PRMT8: variants seen among roughly 807,000 people sequenced by gnomAD.
PRMT8 encodes protein arginine N-methyltransferase 8.
A neutral mutation model predicts 47.1 loss-of-function variants in PRMT8; 7 were observed. That is an observed-to-expected ratio of 0.15 (90% CI 0.08 to 0.28). The LOEUF (loss-of-function observed/expected upper bound fraction) is 0.28, where lower values mean the gene tolerates loss of function less well. Among genes scored for constraint, PRMT8 ranks in the 10% least tolerant of loss-of-function variants. The pLI, the probability that PRMT8 is intolerant of heterozygous loss-of-function variation, is 1.00. For missense variants in PRMT8, 237 were observed against 505.4 expected, an observed-to-expected ratio of 0.47 and a Z score of 5.09; for synonymous variants, 188 against 186.5, an observed-to-expected ratio of 1.01 and a Z score of -0.07.
chr12:3,431,193 C>T (rs528607259), intron 1 of PRMT8, among the ~76,000 whole-genome samples: 44 of 152,224 alleles, frequency 2.9e-4, no homozygotes, highest in African/African-American at 1.1e-3. Flanking sequence ...TTTTGCATTT[C>T]AGAGAATGGG....
intron 1 of PRMT8, among the ~76,000 whole-genome samples, chr12:3,454,480 T>C (rs1004821038): frequency 2.0e-5 from 3 of 151,930 alleles, no homozygotes; most frequent in African/African-American, 7.3e-5. Context: ...GGGGGGTGTC[T>C]AGGAAGGAAG....
intron 3 of PRMT8, chr12:3,551,467 C>T (rs916647932): frequency 6.6e-6 from 1 of 152,328 alleles, no homozygotes; most frequent in African/African-American, 2.4e-5. Context: ...TGGTGACCCC[C>T]ACGTGCTTTC....
chr12:3,541,419 G>A (rs1866228682), intron 2 of PRMT8, among the ~76,000 whole-genome samples: 1 of 152,174 alleles, frequency 6.6e-6, no homozygotes, highest in South Asian at 2.1e-4. Flanking sequence ...TGCCCCTACT[G>A]TATATCTTTC....
chr12:3,546,790 CAGAGAACACTT>C (rs1333240073), intron 2 of PRMT8, among the ~76,000 whole-genome samples: 11 of 152,074 alleles, frequency 7.2e-5, no homozygotes, highest in Admixed American at 6.5e-4. Flanking sequence ...AATATATGAG[CAGAGAACACTT>C]CCTAACTTAT....
Position 3,538,887 on chromosome 12 carries a change from A to G in PRMT8, c.76-1719A>G, listed in dbSNP as rs1866169917. Reference sequence around the variant, plus strand: ...CCGACGTGAAATCTGATGTTGCTAAACTGGGAAGTCTGCTTATTTCCCAAG... The same window carrying G: ...CCGACGTGAAATCTGATGTTGCTAAGCTGGGAAGTCTGCTTATTTCCCAAG... On this transcript the variant is annotated intron_variant, in intron 1 of 9. Transcript: ENST00000382622. This position sits in a 1 kb window ranked among gnomAD's most constrained non-coding sequence, Gnocchi z 4.6. Among the ~76,000 whole-genome samples, 1 of 152,150 alleles carries G rather than the reference A, an allele frequency of 6.6e-6. No homozygotes were observed. The highest frequency in any genetic ancestry group is 2.4e-5 in the African/African-American group (1 of 41,416).
chr12:3,558,240 C>T (rs1248165099), intron 4 of PRMT8, among the ~76,000 whole-genome samples: 1 of 152,198 alleles, frequency 6.6e-6, no homozygotes, highest in East Asian at 1.9e-4. Context: ...CCTTCCTCCC[C>T]TTCCTCCCCT....
At chr12:3,420,654 G>C (rs1012147503) in intron 1 of PRMT8, among the ~76,000 whole-genome samples, 9 of 152,190 alleles carry the variant, frequency 5.9e-5, no homozygotes, top group African/African-American at 1.9e-4. Flanking sequence ...AATGACGGTG[G>C]AGGCGGTCAC....
At chr12:3,386,794 C>T (rs1191181310) in intron 1 of PRMT8, among the ~76,000 whole-genome samples, 6 of 151,724 alleles carry the variant, frequency 4.0e-5, no homozygotes, top group South Asian at 2.1e-4. Flanking sequence ...ACTGCAACTT[C>T]TGTCTCCCGG....
chr12:3,445,729 A>T (rs1215192762), intron 1 of PRMT8, among the ~76,000 whole-genome samples: 1 of 152,194 alleles, frequency 6.6e-6, no homozygotes, highest in Non-Finnish European at 1.5e-5. Flanking sequence ...GACGCTGGAG[A>T]TTCTGAAAAG....
intron 2 of PRMT8, among the ~76,000 whole-genome samples, chr12:3,545,572 A>T (rs1361268134): frequency 1.3e-5 from 2 of 152,194 alleles, no homozygotes; most frequent in African/African-American, 4.8e-5. Flanking sequence ...CACCTTCTGT[A>T]TCTCACCTGA....
rs1866727779 is a variant in PRMT8 at position 3,566,809 on chromosome 12, A to G, written c.482-1897A>G. On this transcript the variant is annotated intron_variant, in intron 4 of 9. Coordinates refer to ENST00000382622, the MANE Select transcript of PRMT8 (RefSeq NM_019854.5). The surrounding 1 kb of genome is among the most constrained non-coding windows in gnomAD (Gnocchi z 4.7). ...CTCAGGCATTGTGTGAGTTTTTTTC[A>G]GAGGATATTGCAGAATGAGAGTTTC... Among the ~76,000 whole-genome samples, 1 of 152,174 alleles carries G rather than the reference A, an allele frequency of 6.6e-6. No homozygotes were observed. The highest frequency in any genetic ancestry group is 1.5e-5 in the Non-Finnish European group (1 of 68,026).
At chr12:3,452,675 C>T (rs980939822) in intron 1 of PRMT8, among the ~76,000 whole-genome samples, 12 of 152,158 alleles carry the variant, frequency 7.9e-5, no homozygotes, top group African/African-American at 2.7e-4. Context: ...ATCCTAGGAA[C>T]AGGGTCTGCT....
chr12:3,520,712 A>G lies in PRMT8; in HGVS notation c.76-19894A>G, dbSNP rs533165357. Among the ~76,000 whole-genome samples the G allele has an allele frequency of 3.3e-5, 5 of 152,356 alleles. No homozygotes were observed. The East Asian group carries it at 9.6e-4, about 29-fold the overall frequency. On this transcript the variant is annotated intron_variant, in intron 1 of 9. Coordinates refer to ENST00000382622, the MANE Select transcript of PRMT8 (RefSeq NM_019854.5). Reference sequence around the variant, plus strand: ...CTTATGTAAAAAAGGTAAATTACTCAATAATTGTTCAGCCCAAATCTGTAA... The same window carrying G: ...CTTATGTAAAAAAGGTAAATTACTCGATAATTGTTCAGCCCAAATCTGTAA...
chr12:3,404,829 A>G (rs912111212), intron 1 of PRMT8, among the ~76,000 whole-genome samples: 16 of 152,312 alleles, frequency 1.1e-4, no homozygotes, highest in East Asian at 3.9e-4. Context: ...ATGTAGTTGC[A>G]TGCATATAGA....
intron 1 of PRMT8, among the ~76,000 whole-genome samples, chr12:3,466,425 G>A (rs1420680219): frequency 6.6e-6 from 1 of 152,170 alleles, no homozygotes; most frequent in Non-Finnish European, 1.5e-5. Flanking sequence ...TCCTGGCCCT[G>A]TTGTAGGTTA....
intron 1 of PRMT8, among the ~76,000 whole-genome samples, chr12:3,398,340 A>G (rs980930591): frequency 2.0e-5 from 3 of 152,144 alleles, no homozygotes; most frequent in African/African-American, 7.2e-5. Context: ...TTGGTTTGCA[A>G]CCTGTGAGGA....
chr12:3,575,321 GA>G (rs1866918658), intron 6 of PRMT8, among the ~76,000 whole-genome samples: 1 of 152,176 alleles, frequency 6.6e-6, no homozygotes, highest in South Asian at 2.1e-4. Context: ...TTTGTTTGGT[GA>G]ATGTTTTAAA....
intron 2 of PRMT8, among the ~76,000 whole-genome samples, chr12:3,542,222 G>C (rs534220106): frequency 1.3e-5 from 2 of 152,360 alleles, no homozygotes; most frequent in South Asian, 4.1e-4. Flanking sequence ...CCTGAGAACT[G>C]TTCACCATGT....
At chr12:3,416,515 T>C (rs1157143915) in intron 1 of PRMT8, among the ~76,000 whole-genome samples, 2 of 152,198 alleles carry the variant, frequency 1.3e-5, no homozygotes, top group Non-Finnish European at 2.9e-5. Flanking sequence ...AGGCAGGCAC[T>C]AAGTAAACAC....
Sources: gnomAD v4.1 joint callset for allele counts (sites outside exome capture counted in the v4.1 genomes callset) on GRCh38, gnomAD v4.1.1 for gene constraint, Gnocchi (gnomAD v3.1) non-coding constraint, MANE v1.5 for transcripts, NCBI Gene and HGNC (gene_info 2026-07-23, HGNC 2026-07-21) for gene names.